The following FILIP1 variants were observed in gnomAD, a reference collection of about 807,000 sequenced individuals.
The protein encoded by FILIP1 is filamin A interacting protein 1.
In FILIP1, 61 loss-of-function variants were observed where a neutral mutation model predicts 102.1. That is an observed-to-expected ratio of 0.60 (90% confidence interval 0.49 to 0.74). FILIP1 has a LOEUF of 0.74. Among genes scored for constraint, FILIP1 ranks in the 30% least tolerant of loss-of-function variants. The pLI is 0.00. For missense variants in FILIP1, 1,314 were observed against 1,441.2 expected (o/e 0.91, Z 1.43); for synonymous variants, 491 against 526.9 (o/e 0.93, Z 0.93).
At chr6:75,480,934 T>G (rs1779633624) in intron 1 of FILIP1, among the ~76,000 whole-genome samples, 1 of 152,234 alleles carries the variant, frequency 6.6e-6, no homozygotes, top group Non-Finnish European at 1.5e-5. Flanking sequence ...TGCAGCTCAC[T>G]AATTCCCCAC....
chr6:75,352,800 C>A (rs1020567418), intron 4 of FILIP1, among the ~76,000 whole-genome samples: 10 of 151,724 alleles, frequency 6.6e-5, no homozygotes, highest in African/African-American at 2.4e-4. Flanking sequence ...AAATAGAAAG[C>A]AATTTGTAGA....
intron 2 of FILIP1, among the ~76,000 whole-genome samples, chr6:75,413,120 C>G (rs1777132796): frequency 6.6e-6 from 1 of 152,012 alleles, no homozygotes; most frequent in African/African-American, 2.4e-5. Context: ...TAAATACTTT[C>G]CAGAGTTCAC....
At position 75,390,417 on chromosome 6, in the gene FILIP1, G is replaced by A. The variant is rs192187594; in HGVS notation, c.276+24280C>T. 2.9e-3 allele frequency among the ~76,000 whole-genome samples: 436 copies of A among 152,236 alleles called. 1 individual carries two copies. The highest frequency in any genetic ancestry group is 3.1e-3 in the South Asian group (15 of 4,826). ...AGACTGGGTAATTTATAAGAAAAGAGGTTTAATTGGCTCATGGTTCCACAG... is the reference window on the plus strand; with the variant it reads ...AGACTGGGTAATTTATAAGAAAAGAAGTTTAATTGGCTCATGGTTCCACAG... On this transcript the variant is annotated intron_variant, in intron 2 of 5. Transcript: ENST00000237172.
chr6:75,464,584 C>A (rs112285927), intron 1 of FILIP1, among the ~76,000 whole-genome samples: 2 of 152,294 alleles, frequency 1.3e-5, no homozygotes, highest in African/African-American at 4.8e-5. Context: ...TCACAGCCAG[C>A]CAATTCTACC....
At chr6:75,300,925 T>C (rs1325190387) in intron 6 of FILIP1, among the ~76,000 whole-genome samples, 1 of 152,212 alleles carries the variant, frequency 6.6e-6, no homozygotes, top group Non-Finnish European at 1.5e-5. Flanking sequence ...TTTGGCAAGC[T>C]AATTCTTATC....
intron 2 of FILIP1, among the ~76,000 whole-genome samples, chr6:75,402,302 G>A (rs953742596): frequency 3.3e-5 from 5 of 152,132 alleles, no homozygotes; most frequent in Admixed American, 2.6e-4. Flanking sequence ...CTGAAGCATC[G>A]TATTCAGCAA....
intron 1 of FILIP1, among the ~76,000 whole-genome samples, chr6:75,457,612 GTCTCTC>G (rs68150078): frequency 0.018 from 2,511 of 142,698 alleles, 20 homozygotes; most frequent in Middle Eastern, 0.046. Context: ...TTCAAACAAA[GTCTCTC>G]TCTCTCTCTC....
At chr6:75,318,763 C>A (rs1383342021) in intron 4 of FILIP1, among the ~76,000 whole-genome samples, 1 of 151,928 alleles carries the variant, frequency 6.6e-6, no homozygotes, top group Non-Finnish European at 1.5e-5. Context: ...TGCTGTGCAC[C>A]AACAAGAACC....
At chr6:75,379,187 G>A (rs751557816) in intron 2 of FILIP1, among the ~76,000 whole-genome samples, 9 of 152,178 alleles carry the variant, frequency 5.9e-5, no homozygotes, top group Middle Eastern at 3.4e-3. Context: ...CCCCTACCAA[G>A]GATATACAGT....
At chr6:75,312,345 C>T in intron 5 of FILIP1, 52 bp downstream of exon 5, 2 of 1,553,448 alleles carry the variant, frequency 1.3e-6, no homozygotes, top group South Asian at 2.5e-5. Flanking sequence ...AGTCTCACTA[C>T]TCACGTCTCC....
chr6:75,330,121 G>A (rs1582354497), intron 4 of FILIP1, among the ~76,000 whole-genome samples: 1 of 152,112 alleles, frequency 6.6e-6, no homozygotes, highest in Non-Finnish European at 1.5e-5. Context: ...TTTCTTCATC[G>A]TGGATTTTTT....
At chr6:75,348,181 T>C (rs1774661232) in intron 4 of FILIP1, among the ~76,000 whole-genome samples, 4 of 152,098 alleles carry the variant, frequency 2.6e-5, no homozygotes, top group African/African-American at 7.2e-5. Context: ...GGAGCAGCCC[T>C]AGTGAAGCTT....
intron 2 of FILIP1, among the ~76,000 whole-genome samples, chr6:75,406,039 A>G (rs1047778767): frequency 1.3e-5 from 2 of 152,176 alleles, no homozygotes; most frequent in African/African-American, 2.4e-5. Flanking sequence ...AAATGTTCCC[A>G]ATGAAATTAA....
At chr6:75,296,921 T>C (rs1452867879) in intron 6 of FILIP1, 1 of 152,186 alleles carries the variant, frequency 6.6e-6, no homozygotes, top group Non-Finnish European at 1.5e-5. Flanking sequence ...TTTATCAGTA[T>C]GACTCACTTC....
chr6:75,387,661 T>C (rs1341646396), intron 2 of FILIP1, among the ~76,000 whole-genome samples: 1 of 152,236 alleles, frequency 6.6e-6, no homozygotes, highest in African/African-American at 2.4e-5. Flanking sequence ...GCTTTTTTCA[T>C]GTGTTTGCTG....
intron 1 of FILIP1, among the ~76,000 whole-genome samples, chr6:75,466,613 G>T (rs1424880218): frequency 6.6e-6 from 1 of 152,088 alleles, no homozygotes; most frequent in Non-Finnish European, 1.5e-5. Flanking sequence ...TAAAATCTGG[G>T]ATTACATTTA....
At chr6:75,464,242 C>T (rs1779105139) in intron 1 of FILIP1, among the ~76,000 whole-genome samples, 1 of 152,096 alleles carries the variant, frequency 6.6e-6, no homozygotes, top group African/African-American at 2.4e-5. Context: ...GATTTTCTTT[C>T]CAGTGACTAA....
At chr6:75,316,162 A>G (rs1773438510) in intron 4 of FILIP1, among the ~76,000 whole-genome samples, 1 of 152,224 alleles carries the variant, frequency 6.6e-6, no homozygotes, top group African/African-American at 2.4e-5. Flanking sequence ...GAATATAAAT[A>G]TGCTGAAGTA....
intron 1 of FILIP1, among the ~76,000 whole-genome samples, chr6:75,448,093 T>C (rs1778498243): frequency 6.6e-6 from 1 of 152,194 alleles, no homozygotes; most frequent in Non-Finnish European, 1.5e-5. Flanking sequence ...AAAGATAGCA[T>C]GCCAGACACT....
Sources: gnomAD v4.1 joint callset for allele counts (sites outside exome capture counted in the v4.1 genomes callset) on GRCh38, gnomAD v4.1.1 for gene constraint, MANE v1.5 for transcripts, NCBI Gene and HGNC (gene_info 2026-07-23, HGNC 2026-07-21) for gene names.